TESMIN: variants seen among roughly 807,000 people sequenced by gnomAD.
TESMIN encodes the protein testis expressed metallothionein like protein.
A neutral mutation model predicts 47.4 loss-of-function variants in TESMIN; 34 were observed. The observed-to-expected ratio is 0.72, with a 90% CI of 0.55 to 0.96. The LOEUF (loss-of-function observed/expected upper bound fraction) is 0.96, where lower values mean the gene tolerates loss of function less well. Ranked by LOEUF, TESMIN falls within the 40% of genes least tolerant of loss-of-function variation. The probability of loss-of-function intolerance (pLI) is 0.00; values close to 1 mark genes in which losing one functional copy is unlikely to be tolerated. For synonymous variants in TESMIN, 278 were observed against 258.9 expected (o/e 1.07, Z -0.71); for missense variants, 610 against 637.2 (o/e 0.96, Z 0.46).
chr11:68,728,068 G>C (rs1176477961), intron 6 of TESMIN, among the ~76,000 whole-genome samples: 1 of 152,164 alleles, frequency 6.6e-6, no homozygotes. Flanking sequence ...CAACAATATT[G>C]AAATTAGGCC....
At chr11:68,742,946 G>A (rs1017157588) in intron 4 of TESMIN, among the ~76,000 whole-genome samples, 4 of 151,616 alleles carry the variant, frequency 2.6e-5, no homozygotes, top group Admixed American at 6.6e-5. Context: ...GCACTACCAC[G>A]GTTCACTGCA....
chr11:68,712,563 TTC>T (rs1451348016), intron 8 of TESMIN, among the ~76,000 whole-genome samples: 2 of 152,228 alleles, frequency 1.3e-5, no homozygotes, highest in Admixed American at 1.3e-4. Flanking sequence ...TTCCCTCACT[TTC>T]TCTTTCCTCC....
At chr11:68,736,466 C>G (rs760614531) in intron 6 of TESMIN, 1 of 985,218 alleles carries the variant, frequency 1.0e-6, no homozygotes, top group Non-Finnish European at 1.2e-6. Context: ...GGAACTCACA[C>G]GGAATGAAAT....
intron 6 of TESMIN, chr11:68,736,460 C>A (rs959846872): frequency 3.0e-6 from 3 of 985,398 alleles, no homozygotes; most frequent in Non-Finnish European, 3.6e-6. Context: ...TGGTTGGGAA[C>A]TCACACGGAA....
chr11:68,714,601 C>T (rs1346445280), intron 7 of TESMIN, among the ~76,000 whole-genome samples: 1 of 152,280 alleles, frequency 6.6e-6, no homozygotes, highest in Non-Finnish European at 1.5e-5. Flanking sequence ...TCCGTCCGCA[C>T]TGCTGCGCTT....
chr11:68,741,414 T>G (rs1009686760), intron 5 of TESMIN, among the ~76,000 whole-genome samples: 1 of 150,520 alleles, frequency 6.6e-6, no homozygotes, highest in Non-Finnish European at 1.5e-5. Flanking sequence ...CATGATCACC[T>G]TTTTTAAACC....
rs570710680 is a variant in TESMIN at position 68,737,226 on chromosome 11, G to A, written c.917+1474C>T. On this transcript the variant is annotated intron_variant, in intron 6 of 9. Transcript: ENST00000255087. ...CAATCATAGCAACTGCACCCTCACC[G>A]ATCCATCACACCCAGAGAGTGAAGC... 25 of 985,208 alleles carry A rather than the reference G, an allele frequency of 2.5e-5. No homozygotes were observed. The East Asian group carries it at 1.1e-3, about 45-fold the overall frequency. The allele number at this position is 985,208 out of a possible 1,614,324, so 61.0% of individuals were successfully genotyped here. A position where few individuals can be genotyped will look rare whatever the true frequency, so the allele number is the denominator to read the frequency against.
rs1594283241 is a variant in TESMIN, at chr11:68,710,854, G to A, written c.1334+20C>T. 1.9e-6 allele frequency: 3 copies of A among 1,594,662 alleles called. No individual in the cohort carries two copies. Among genetic ancestry groups the A allele is most frequent in the Non-Finnish European group, 2.6e-6 (3 of 1,170,494 alleles). ...AACCTCTGTTCCCTCTATTAGCAGA[G>A]GTTAGTTCAAAGTACCTACCTATCG... On this transcript the variant is annotated intron_variant, in intron 9 of 9. Transcript: ENST00000255087.
At chr11:68,715,653 C>A (rs529487601) in intron 7 of TESMIN, among the ~76,000 whole-genome samples, 184 bp downstream of exon 7, 3 of 152,304 alleles carry the variant, frequency 2.0e-5, no homozygotes, top group African/African-American at 7.2e-5. Context: ...CTCTGCCTAC[C>A]ACTTTTACAA....
rs75908316 is a variant in TESMIN at position 68,718,902 on chromosome 11, G to A, written c.918-2963C>T. Among the ~76,000 whole-genome samples, 40 of 152,306 alleles carry A rather than the reference G, an allele frequency of 2.6e-4. No homozygotes were observed. In the East Asian group the frequency reaches 7.5e-3, roughly 29 times the overall value. ...AAATTATCATCTAAGCATGAGGATA[G>A]ACTAAGACATTTTTAGACACGTAAG... is the stretch of plus-strand genomic sequence containing the variant. On this transcript the variant is annotated intron_variant, in intron 6 of 9. Coordinates refer to ENST00000255087, the MANE Select transcript of TESMIN (RefSeq NM_004923.3).
At chr11:68,713,484 A>T in intron 7 of TESMIN, 77 bp from the exon 8 acceptor site, 1 of 1,519,500 alleles carries the variant, frequency 6.6e-7, no homozygotes, top group Non-Finnish European at 9.0e-7. Context: ...ATCTCATTTG[A>T]ATCTGATTGT....
chr11:68,706,210 T>C (rs866567226), downstream of TESMIN, among the ~76,000 whole-genome samples: 1 of 152,340 alleles, frequency 6.6e-6, no homozygotes, highest in African/African-American at 2.4e-5. Flanking sequence ...AGTGGCTTTA[T>C]GCACGTCTGT....
intron 5 of TESMIN, among the ~76,000 whole-genome samples, chr11:68,741,838 G>T (rs1043318868): frequency 6.6e-6 from 1 of 152,226 alleles, no homozygotes; most frequent in Non-Finnish European, 1.5e-5. Flanking sequence ...ACGCTGGGGA[G>T]TTAGGGAAGG....
At chr11:68,747,025 T>C in intron 3 of TESMIN, 183 bp downstream of exon 3, 4 of 624,678 alleles carry the variant, frequency 6.4e-6, no homozygotes, top group Non-Finnish European at 1.1e-5. Context: ...GGAGTAGAAA[T>C]GAGAATCTTA....
intron 8 of TESMIN, among the ~76,000 whole-genome samples, chr11:68,711,855 C>T (rs946306813): frequency 6.6e-6 from 1 of 152,196 alleles, no homozygotes; most frequent in African/African-American, 2.4e-5. Flanking sequence ...CCGGCATGTC[C>T]CATCTGTACC....
intron 6 of TESMIN, among the ~76,000 whole-genome samples, chr11:68,723,557 C>G (rs1322579784): frequency 6.8e-6 from 1 of 147,312 alleles, no homozygotes; most frequent in South Asian, 2.2e-4. Context: ...ATAATAAAGA[C>G]AGCAGTAAAA....
At chr11:68,738,427 A>G in intron 6 of TESMIN, 1 of 1,197,800 alleles carries the variant, frequency 8.3e-7, no homozygotes, top group Non-Finnish European at 1.0e-6. Context: ...AAATGGCAAC[A>G]AGCCTCAGAA....
At chr11:68,713,064 C>T (rs937159143) in intron 8 of TESMIN, among the ~76,000 whole-genome samples, 5 of 152,176 alleles carry the variant, frequency 3.3e-5, no homozygotes, top group African/African-American at 1.2e-4. Context: ...CCAAAAGGAG[C>T]CCTCAGCAAA....
At position 68,716,000 on chromosome 11, in the gene TESMIN, AGAGCACACAC is replaced by A. The variant is rs1015066452; in HGVS notation, c.918-71_918-62del. ...GACGGCACAGTGAGTAGTGAAAAGAAGAGCACACACGTGTAAGGAAAGAGCGGGCAGTGTG... is the reference window on the plus strand; with the variant it reads ...GACGGCACAGTGAGTAGTGAAAAGAAGTGTAAGGAAAGAGCGGGCAGTGTG... On this transcript the variant is annotated intron_variant, in intron 6 of 9. Transcript: ENST00000255087. 11 of 1,107,276 alleles carry A rather than the reference AGAGCACACAC, an allele frequency of 9.9e-6. No individual in the cohort carries two copies. In the African/African-American group the frequency reaches 1.5e-4, roughly 16 times the overall value. The allele number at this position is 1,107,276 out of a possible 1,614,324, so 68.6% of individuals were successfully genotyped here.
Sources: allele counts gnomAD v4.1 joint callset (sites outside exome capture counted in the v4.1 genomes callset), GRCh38; gene constraint gnomAD v4.1.1; transcripts MANE v1.5; gene names NCBI Gene and HGNC (gene_info 2026-07-23, HGNC 2026-07-21).